The following PHACTR3 variants were observed in gnomAD, a reference collection of about 807,000 sequenced individuals.
The protein encoded by PHACTR3 is phosphatase and actin regulator 3.
Under a neutral mutation model 66.8 loss-of-function variants are expected in PHACTR3, and 16 were observed. That is an observed-to-expected ratio of 0.24 (90% confidence interval 0.16 to 0.36). The LOEUF (loss-of-function observed/expected upper bound fraction) is 0.36. PHACTR3 is among the 10% of genes least tolerant of loss of function. The pLI is 1.00. For missense variants in PHACTR3, 647 were observed against 719.9 expected, an observed-to-expected ratio of 0.90 and a Z score of 1.16; for synonymous variants, 323 against 292.1, an observed-to-expected ratio of 1.11 and a Z score of -1.08.
chr20:59,757,579 C>G (rs1476362403), intron 4 of PHACTR3, among the ~76,000 whole-genome samples: 2 of 152,100 alleles, frequency 1.3e-5, no homozygotes, highest in African/African-American at 4.8e-5. Flanking sequence ...CACAGCCACT[C>G]GCCTCTGCCC....
At chr20:59,800,830 G>A (rs866599462) in intron 7 of PHACTR3, among the ~76,000 whole-genome samples, 2 of 152,126 alleles carry the variant, frequency 1.3e-5, no homozygotes, top group Admixed American at 6.5e-5. Context: ...TTCATGCCAG[G>A]TTTTGCTTTA....
In PHACTR3 at chr20:59,579,756, C is replaced by T. The variant is rs145218709; in HGVS notation, c.109+2139C>T. Among the ~76,000 whole-genome samples, 112 of 152,288 alleles carry T rather than the reference C, an allele frequency of 7.4e-4. 3 individuals are homozygous for T. The East Asian group carries it at 0.02, about 27-fold the overall frequency. ...GGAGGACAGGAGGGTCCATCAGAGACGGAGAAAGTGGGAAGCACTGGGGGC... is the reference window on the plus strand; with the variant it reads ...GGAGGACAGGAGGGTCCATCAGAGATGGAGAAAGTGGGAAGCACTGGGGGC... On this transcript the variant is annotated intron_variant, in intron 1 of 12. Coordinates refer to the PHACTR3 transcript ENST00000359926.
intron 1 of PHACTR3, among the ~76,000 whole-genome samples, chr20:59,681,010 A>T (rs1461466952): frequency 6.6e-6 from 1 of 152,254 alleles, no homozygotes; most frequent in African/African-American, 2.4e-5. Flanking sequence ...GCATCTGCCC[A>T]GGAAAAAGTT....
At chr20:59,744,985 C>G (rs1568772406) in intron 2 of PHACTR3, among the ~76,000 whole-genome samples, 1 of 152,202 alleles carries the variant, frequency 6.6e-6, no homozygotes, top group Non-Finnish European at 1.5e-5. Context: ...CTGGCAGGGC[C>G]CCTTGCACAC....
At chr20:59,669,854 C>T (rs2036129969) in intron 1 of PHACTR3, among the ~76,000 whole-genome samples, 1 of 152,246 alleles carries the variant, frequency 6.6e-6, no homozygotes, top group Non-Finnish European at 1.5e-5. Context: ...ATACATCACA[C>T]TTTGTTTCCC....
Position 59,772,213 on chromosome 20 carries a change from G to A in PHACTR3, c.752-1066G>A, listed in dbSNP as rs576886147. ...CGGGCACCTGACACCCTGCTGGCCC[G>A]GAGCACATGCAGGAGACTGTCATTG... On this transcript the variant is annotated intron_variant, in intron 5 of 12. Transcript: ENST00000371015. Among the ~76,000 whole-genome samples the A allele has an allele frequency of 3.4e-4, 52 of 152,338 alleles. No individual in the cohort carries two copies. In the Middle Eastern group the frequency reaches 0.017, roughly 50 times the overall value.
intron 4 of PHACTR3, 149 bp from the exon 5 acceptor site, chr20:59,767,037 A>G: frequency 1.5e-6 from 1 of 683,736 alleles, no homozygotes; most frequent in East Asian, 2.7e-5. Context: ...TTGAGAGTTG[A>G]ACTTGCAGGA....
intron 1 of PHACTR3, among the ~76,000 whole-genome samples, chr20:59,739,911 C>G (rs1296314904): frequency 3.3e-5 from 5 of 152,022 alleles, no homozygotes; most frequent in Non-Finnish European, 7.4e-5. Context: ...TGCTCAAGGT[C>G]CTGCCCTGCC....
At chr20:59,691,633 G>GT (rs1328779601) in intron 1 of PHACTR3, among the ~76,000 whole-genome samples, 1 of 151,886 alleles carries the variant, frequency 6.6e-6, no homozygotes, top group African/African-American at 2.4e-5. Flanking sequence ...AGTTCTTCTT[G>GT]TTTATTTTTT....
chr20:59,627,132 G>A (rs145123636), intron 1 of PHACTR3, among the ~76,000 whole-genome samples: 6 of 152,284 alleles, frequency 3.9e-5, no homozygotes, highest in East Asian at 1.9e-4. Flanking sequence ...CTCAGCTGAC[G>A]AAATGGGAGT....
intron 1 of PHACTR3, among the ~76,000 whole-genome samples, chr20:59,667,901 GAAATA>G (rs1348704476): frequency 6.6e-6 from 1 of 152,224 alleles, no homozygotes; most frequent in Non-Finnish European, 1.5e-5. Flanking sequence ...TCACTGGCTG[GAAATA>G]AGCAGTGAAT....
intron 7 of PHACTR3, among the ~76,000 whole-genome samples, chr20:59,776,567 G>T (rs183831354): frequency 3.3e-5 from 5 of 152,200 alleles, no homozygotes; most frequent in Admixed American, 6.5e-5. Context: ...GCCCAGAAGG[G>T]TCTCCCGGCT....
At chr20:59,609,036 A>G (rs2033766288) in intron 1 of PHACTR3, among the ~76,000 whole-genome samples, 1 of 152,134 alleles carries the variant, frequency 6.6e-6, no homozygotes, top group African/African-American at 2.4e-5. Context: ...CTGGTGTCTC[A>G]ACCTATGTGG....
chr20:59,732,281 G>A (rs147005502), intron 1 of PHACTR3, among the ~76,000 whole-genome samples: 5 of 152,180 alleles, frequency 3.3e-5, no homozygotes, highest in Non-Finnish European at 5.9e-5. Flanking sequence ...CGGCAGACCT[G>A]CCATTTACCA....
intron 7 of PHACTR3, among the ~76,000 whole-genome samples, chr20:59,792,484 A>T (rs1365150520): frequency 6.6e-6 from 1 of 152,224 alleles, no homozygotes; most frequent in African/African-American, 2.4e-5. Flanking sequence ...CCAATACTTG[A>T]TGTGGTCAGT....
intron 1 of PHACTR3, among the ~76,000 whole-genome samples, chr20:59,692,649 G>A (rs1389937903): frequency 3.9e-5 from 6 of 152,184 alleles, no homozygotes; most frequent in East Asian, 1.9e-4. Context: ...AGGTGAATGC[G>A]GAGCCAGTGT....
intron 1 of PHACTR3, among the ~76,000 whole-genome samples, chr20:59,605,758 G>T (rs1342754950): frequency 6.6e-6 from 1 of 150,816 alleles, no homozygotes; most frequent in Non-Finnish European, 1.5e-5. Flanking sequence ...CCATGGCAGC[G>T]TTGATTGTTT....
At chr20:59,653,810 T>TTGCTCTTAAAATA (rs1390438711) in intron 1 of PHACTR3, among the ~76,000 whole-genome samples, 1 of 152,190 alleles carries the variant, frequency 6.6e-6, no homozygotes, top group Non-Finnish European at 1.5e-5. Flanking sequence ...ATGATATTCT[T>TTGCTCTTAAAATA]TGCTCTTAAA....
intron 1 of PHACTR3, among the ~76,000 whole-genome samples, chr20:59,713,808 A>C (rs1488216727): frequency 2.0e-5 from 3 of 151,026 alleles, no homozygotes; most frequent in African/African-American, 7.3e-5. Context: ...TATGTTTGGC[A>C]TTAGTAGATA....
Sources: allele counts gnomAD v4.1 joint callset (sites outside exome capture counted in the v4.1 genomes callset), GRCh38; gene constraint gnomAD v4.1.1; transcripts MANE v1.5; gene names NCBI Gene and HGNC (gene_info 2026-07-23, HGNC 2026-07-21).